The following GAD1 variants were observed in gnomAD, a reference collection of about 807,000 sequenced individuals.
GAD1 encodes 67 kDa glutamic acid decarboxylase.
Under a neutral mutation model 75.2 loss-of-function variants are expected in GAD1, and 35 were observed. That is an observed-to-expected ratio of 0.47 (90% CI 0.36 to 0.62). GAD1 has a LOEUF of 0.62. Among genes scored for constraint, GAD1 ranks in the 20% least tolerant of loss-of-function variants. The probability of loss-of-function intolerance (pLI) is 0.00; values close to 1 mark genes in which losing one functional copy is unlikely to be tolerated. For synonymous variants in GAD1, 257 were observed against 271.9 expected (o/e 0.95, Z 0.54); for missense variants, 490 against 758.5 (o/e 0.65, Z 4.16).
At chr2:170,857,997 A>G (rs953678540) in intron 15 of GAD1, among the ~76,000 whole-genome samples, 7 of 152,236 alleles carry the variant, frequency 4.6e-5, no homozygotes, top group African/African-American at 1.7e-4. Context: ...ACATTATTCT[A>G]TTTATCAGGC....
intron 7 of GAD1, 112 bp from the exon 8 acceptor site, chr2:170,845,394 A>G: frequency 1.1e-6 from 1 of 909,868 alleles, no homozygotes. Context: ...TCAGGATATT[A>G]TCCTTTCGCT....
intron 5 of GAD1, among the ~76,000 whole-genome samples, chr2:170,834,987 G>C (rs181300057): frequency 9.6e-4 from 146 of 152,088 alleles, no homozygotes; most frequent in African/African-American, 2.6e-3. Context: ...GGCCAGGCTG[G>C]TCTCGAACTC....
At chr2:170,835,804 T>C (rs1209421900) in intron 5 of GAD1, among the ~76,000 whole-genome samples, 1 of 152,240 alleles carries the variant, frequency 6.6e-6, no homozygotes, top group Non-Finnish European at 1.5e-5. Flanking sequence ...AGACCTCAGA[T>C]TCTGTTGGCA....
chr2:170,814,982 A>C (rs1247239362), upstream of GAD1, among the ~76,000 whole-genome samples: 1 of 152,158 alleles, frequency 6.6e-6, no homozygotes, highest in Non-Finnish European at 1.5e-5. Flanking sequence ...TCTATGCTGG[A>C]CAATGAAGAA....
intron 16 of GAD1, 135 bp downstream of exon 16, chr2:170,859,028 TG>T: frequency 2.6e-6 from 2 of 782,102 alleles, no homozygotes; most frequent in Non-Finnish European, 2.2e-6. Flanking sequence ...AGTAATGGGG[TG>T]GTGGGGAGCC....
rs1037937878 is a variant in GAD1 at position 170,853,558 on chromosome 2, C to G, written c.1264-315C>G. On this transcript the variant is annotated intron_variant, in intron 13 of 16. Transcript: ENST00000358196. This position sits in a 1 kb window ranked among gnomAD's most constrained non-coding sequence, Gnocchi z 4.1. ...CCACTGAGGAATTTTCTATCTCTAA[C>G]CCTGGCCCACTGAATGCCGTAGCAC... 1 of 348,634 alleles carries G rather than the reference C, an allele frequency of 2.9e-6. No individual in the cohort carries two copies. The highest frequency in any genetic ancestry group is 3.8e-5 in the Admixed American group (1 of 26,250). 21.6% of individuals were successfully genotyped at this position (348,634 alleles called of 1,614,324 possible).
At position 170,818,720 on chromosome 2, in the gene GAD1, G is replaced by A. The variant is rs759195138; in HGVS notation, c.82+47G>A. The stretch of plus-strand genomic sequence containing the variant: ...TATCAAATGAACTGCAGGGAAGATG[G>A]GGGCGCTGGGACGTCGGGAGGCTGA... On this transcript the variant is annotated intron_variant, in intron 2 of 16. Coordinates refer to ENST00000358196, the MANE Select transcript of GAD1 (RefSeq NM_000817.3). The surrounding 1 kb of genome is among the most constrained non-coding windows in gnomAD (Gnocchi z 5.9). 6.4e-7 allele frequency: 1 copy of A among 1,574,658 alleles called. No homozygotes were observed. The highest frequency in any genetic ancestry group is 1.7e-5 in the Admixed American group (1 of 59,988).
chr2:170,820,197 T>C (rs934459614), intron 2 of GAD1, among the ~76,000 whole-genome samples: 2 of 152,212 alleles, frequency 1.3e-5, no homozygotes, highest in Non-Finnish European at 1.5e-5. Context: ...TAGCGGGCAG[T>C]TGTGTTAATT....
rs1365489674 is a variant in GAD1 at position 170,852,712 on chromosome 2, A to C, written c.1185-2A>C. 1.9e-6 allele frequency: 3 copies of C among 1,613,904 alleles called. No homozygotes were observed. Among genetic ancestry groups the C allele is most frequent in the Non-Finnish European group, 2.5e-6 (3 of 1,179,908 alleles). On this transcript the variant is annotated splice_acceptor_variant, in intron 12 of 16. Transcript: ENST00000358196. LOFTEE classifies it high-confidence loss of function. ...TCTCGAAGTCTCATGTGCTTCTTTC[A>C]GGGCCAACTCAGTCACCTGGAACCC...
intron 14 of GAD1, among the ~76,000 whole-genome samples, chr2:170,856,720 C>T (rs1308621774): frequency 6.6e-6 from 1 of 152,100 alleles, no homozygotes; most frequent in Admixed American, 6.5e-5. Flanking sequence ...GTGGAGTGGC[C>T]TCAGTTCATA....
chr2:170,829,949 T>A (rs1702176808), intron 4 of GAD1: 1 of 360,098 alleles, frequency 2.8e-6, no homozygotes, highest in Admixed American at 4.3e-5. Context: ...AATGATTTCC[T>A]TAATAACGTT....
intron 3 of GAD1, among the ~76,000 whole-genome samples, chr2:170,824,474 AC>A (rs1398326909): frequency 6.6e-6 from 1 of 151,602 alleles, no homozygotes; most frequent in Non-Finnish European, 1.5e-5. Flanking sequence ...TTGACTTGAC[AC>A]CATCCAGGTT....
chr2:170,813,532 C>G (rs1701646562), upstream of GAD1: 1 of 152,928 alleles, frequency 6.5e-6, no homozygotes, highest in South Asian at 2.1e-4. Flanking sequence ...ATTACGTTTC[C>G]TGGAGGCTAA....
At chr2:170,838,598 G>T (rs1702428179) in intron 6 of GAD1, among the ~76,000 whole-genome samples, 2 of 152,174 alleles carry the variant, frequency 1.3e-5, no homozygotes, top group South Asian at 4.1e-4. Context: ...TGTGTGTTCT[G>T]CAGGGCACTC....
chr2:170,821,454 G>A (rs535871027), intron 2 of GAD1, among the ~76,000 whole-genome samples: 2 of 152,300 alleles, frequency 1.3e-5, no homozygotes, highest in Non-Finnish European at 2.9e-5. Flanking sequence ...AGAGGGGCCA[G>A]GGATGAGGAC....
intron 4 of GAD1, chr2:170,829,996 TCA>T (rs1183326243): frequency 3.3e-6 from 1 of 304,316 alleles, no homozygotes; most frequent in Non-Finnish European, 6.3e-6. Flanking sequence ...ACACACAAAA[TCA>T]CACTATGGGA....
rs1478807566 is a variant in GAD1, at chr2:170,832,662, GCGCACACACACA to G, written c.547+1472_547+1483del. On this transcript the variant is annotated intron_variant, in intron 5 of 16. Transcript: ENST00000358196. Reference sequence around the variant, plus strand: ...GACACAGGCACACATGCGCGCGCGCGCGCACACACACACACACACACACACACACACACATAC... The same window carrying G: ...GACACAGGCACACATGCGCGCGCGCGCACACACACACACACACACACATAC... Among the ~76,000 whole-genome samples the G allele has an allele frequency of 2.4e-3, 303 of 128,516 alleles. 2 individuals are homozygous for G. Among genetic ancestry groups the G allele is most frequent in the Non-Finnish European group, 3.6e-3 (216 of 60,642 alleles). 84.3% of individuals were successfully genotyped at this position (128,516 alleles called of 152,430 possible).
chr2:170,835,815 A>G (rs1027562637), intron 5 of GAD1, among the ~76,000 whole-genome samples: 4 of 152,244 alleles, frequency 2.6e-5, no homozygotes, highest in Non-Finnish European at 5.9e-5. Context: ...TCTGTTGGCA[A>G]TGAGCAAAGT....
upstream of GAD1, chr2:170,816,438 T>C (rs980444111): frequency 1.1e-4 from 17 of 150,954 alleles, no homozygotes; most frequent in African/African-American, 4.2e-4. Context: ...GTCACAGATC[T>C]GGGGGAACCC....
Sources: allele counts gnomAD v4.1 joint callset (sites outside exome capture counted in the v4.1 genomes callset), GRCh38; gene constraint gnomAD v4.1.1; non-coding constraint Gnocchi (gnomAD v3.1); transcripts MANE v1.5; gene names NCBI Gene and HGNC (gene_info 2026-07-23, HGNC 2026-07-21).